Variants in DECR2 observed in about 807,000 individuals in gnomAD.
DECR2 encodes 2,4-dienoyl-CoA reductase 2, also known as peroxisomal 2,4-dienoyl-CoA reductase [(3E)-enoyl-CoA-producing].
DECR2 carries 34 observed loss-of-function variants against 29.2 expected under a neutral mutation model. That is an observed-to-expected ratio of 1.16 (90% CI 0.89 to 1.55). DECR2 has a LOEUF of 1.55. DECR2 is among the 40% of genes most tolerant of loss of function. The probability of loss-of-function intolerance (pLI) is 0.00; values close to 1 mark genes in which losing one functional copy is unlikely to be tolerated. For missense variants in DECR2, 485 were observed against 425.3 expected, an observed-to-expected ratio of 1.14 and a Z score of -1.23; for synonymous variants, 224 against 182.7, an observed-to-expected ratio of 1.23 and a Z score of -1.82.
rs377511084 is a variant in DECR2 at position 410,730 on chromosome 16, G to A, written c.502G>A (p.Gly168Arg). The A allele has an allele frequency of 1.1e-4, 180 of 1,608,172 alleles. No homozygotes were observed. Among genetic ancestry groups the A allele is most frequent in the Non-Finnish European group, 1.5e-4 (176 of 1,178,988 alleles). Residue 168 changes from glycine (G) to arginine (R), a missense_variant, in exon 6 of 9, where the codon GGG becomes AGG. Physicochemically the swap from Gly to Arg is moderately radical, Grantham distance 125. Transcript: ENST00000219481. The surrounding 1 kb of genome is among the most constrained non-coding windows in gnomAD (Gnocchi z 4.1). Reference sequence around the variant, plus strand: ...GATCGTGAACATCACTGCCACCCTGGGGAACCGGGGGCAGGCGCTCCAGGT... The same window carrying A: ...GATCGTGAACATCACTGCCACCCTGAGGAACCGGGGGCAGGCGCTCCAGGT... ...GVIVNITATLGNRGQALQVHA... is the reference protein window; with the variant it reads ...GVIVNITATLRNRGQALQVHA...
Position 407,493 on chromosome 16 carries a change from C to T in DECR2, c.270C>T (p.Pro90=), listed in dbSNP as rs1424273101. The T allele has an allele frequency of 1.9e-6, 3 of 1,613,832 alleles. No homozygotes were observed. The highest frequency in any genetic ancestry group is 4.5e-5 in the East Asian group (2 of 44,888). ...CLPLSMDVRA[P]PAVMAAVDQA... ...CTCTCTCTATGGACGTCCGAGCGCC[C>T]CCAGCTGTCATGGCCGCCGTGGACC... Residue 90 remains proline (P), a synonymous_variant, in exon 4 of 9, where the codon CCC becomes CCT. Coordinates refer to ENST00000219481, the MANE Select transcript of DECR2 (RefSeq NM_020664.4).
intron 1 of DECR2, among the ~76,000 whole-genome samples, chr16:402,691 T>C (rs908845320): frequency 2.0e-5 from 3 of 151,994 alleles, no homozygotes; most frequent in African/African-American, 7.2e-5. Context: ...TCTATTAAAA[T>C]TTTGATCTTT....
At position 410,456 on chromosome 16, in the gene DECR2, CG is replaced by C. The variant is rs2054799499; in HGVS notation, c.462+90del. The C allele has an allele frequency of 2.0e-5, 32 of 1,564,898 alleles. No homozygotes were observed. Among genetic ancestry groups the C allele is most frequent in the East Asian group, 1.4e-4 (6 of 43,680 alleles). ...AGTTCTTCCGGGTGGGTGCCTTGTG[CG>C]CTCTGTGAGAAGTTCTTCCGGGTGG... On this transcript the variant is annotated intron_variant, in intron 5 of 8. Coordinates refer to ENST00000219481, the MANE Select transcript of DECR2 (RefSeq NM_020664.4). The surrounding 1 kb of genome is among the most constrained non-coding windows in gnomAD (Gnocchi z 4.1).
chr16:410,374 G>T lies in DECR2; in HGVS notation c.462+7G>T. On this transcript the variant is annotated splice_region_variant and intron_variant, in intron 5 of 8. Coordinates refer to ENST00000219481, the MANE Select transcript of DECR2 (RefSeq NM_020664.4). The surrounding 1 kb of genome is among the most constrained non-coding windows in gnomAD (Gnocchi z 4.1). ...CTATGAGAAGTTCTTCCGGGTGGGTGCCTCGTGCGCTCTGTGAGAAGTTCT... is the reference window on the plus strand; with the variant it reads ...CTATGAGAAGTTCTTCCGGGTGGGTTCCTCGTGCGCTCTGTGAGAAGTTCT... 2 of 1,595,378 alleles carry T rather than the reference G, an allele frequency of 1.3e-6. No homozygotes were observed. The highest frequency in any genetic ancestry group is 1.1e-5 in the South Asian group (1 of 89,574).
chr16:402,945 A>G (rs1250181916), intron 1 of DECR2: 4 of 791,932 alleles, frequency 5.1e-6, no homozygotes, highest in Middle Eastern at 6.4e-4. Context: ...AGATCGCACC[A>G]TTGCACTGGG....
intron 8 of DECR2, 121 bp downstream of exon 8, chr16:411,699 T>C: frequency 1.9e-6 from 2 of 1,062,738 alleles, no homozygotes; most frequent in East Asian, 2.6e-5. Context: ...TCCCGGCCCC[T>C]GCGCCAGCCT....
intron 4 of DECR2, among the ~76,000 whole-genome samples, chr16:408,327 C>T (rs2054768200): frequency 6.6e-6 from 1 of 151,870 alleles, no homozygotes; most frequent in Non-Finnish European, 1.5e-5. Context: ...GGCCCTCTGT[C>T]TCTGGCCCTC....
In DECR2 at chr16:410,156, C is replaced by T; in HGVS notation, c.338-87C>T. The T allele has an allele frequency of 6.5e-7, 1 of 1,538,000 alleles. No individual in the cohort carries two copies. The highest frequency in any genetic ancestry group is 1.2e-5 in the South Asian group (1 of 83,122). On this transcript the variant is annotated intron_variant, in intron 4 of 8. Coordinates refer to ENST00000219481, the MANE Select transcript of DECR2 (RefSeq NM_020664.4). The surrounding 1 kb of genome is among the most constrained non-coding windows in gnomAD (Gnocchi z 4.1). ...CACAGGGCACCTGGGCTCCCTCCTG[C>T]ACCCTCCGCTCTGCCCACCTGGCCA...
chr16:411,321 C>G, intron 7 of DECR2, 40 bp from the exon 8 acceptor site: 1 of 1,574,034 alleles, frequency 6.4e-7, no homozygotes, highest in Non-Finnish European at 8.6e-7. Flanking sequence ...GGTGCTGGGT[C>G]TTGGGGCTCA....
intron 4 of DECR2, 70 bp downstream of exon 4, chr16:407,630 C>T: frequency 1.3e-6 from 2 of 1,589,268 alleles, no homozygotes; most frequent in Non-Finnish European, 1.7e-6. Context: ...CCCTAGAACT[C>T]TGGTCATGGG....
intron 2 of DECR2, 65 bp downstream of exon 2, chr16:405,089 C>G: frequency 1.3e-6 from 2 of 1,586,782 alleles, no homozygotes; most frequent in Non-Finnish European, 1.7e-6. Flanking sequence ...GCTGGATGCC[C>G]GACCCCTGGA....
In DECR2 at chr16:411,477, G is replaced by A. The variant is rs766024701; in HGVS notation, c.778G>A (p.Val260Met). The A allele has an allele frequency of 1.9e-5, 30 of 1,613,838 alleles. No individual in the cohort carries two copies. The highest frequency in any genetic ancestry group is 8.0e-5 in the African/African-American group (6 of 74,946). The stretch of plus-strand genomic sequence containing the variant: ...CCTGGCCAGCCCTCTGGCTTCCTAC[G>A]TGACGGGGGCCGTGCTGGTGGCCGA... ...LYLASPLASY[V>M]TGAVLVADGG... The change falls in exon 8 of 9, where the codon GTG becomes ATG. Residue 260 changes from valine (V) to methionine (M), a missense_variant. Val to Met is a conservative substitution (Grantham distance 21). Coordinates refer to ENST00000219481, the MANE Select transcript of DECR2 (RefSeq NM_020664.4).
chr16:406,397 G>A lies in DECR2; in HGVS notation c.201G>A (p.Thr67=), dbSNP rs766132711. The A allele has an allele frequency of 6.2e-6, 10 of 1,607,720 alleles. No homozygotes were observed. The highest frequency in any genetic ancestry group is 3.3e-5 in the South Asian group (3 of 91,048). The change falls in exon 3 of 9, where the codon ACG becomes ACA. Residue 67 remains threonine (T), a splice_region_variant and synonymous_variant. Transcript: ENST00000219481. The part of the protein sequence containing the change: ...IASRSLPRVL[T]AARKLAGATG... Reference sequence around the variant, plus strand: ...GTAGGAGCCTGCCGCGAGTGCTGACGGTGAGAGGGCCTCTCCCATGGTCCC... The same window carrying A: ...GTAGGAGCCTGCCGCGAGTGCTGACAGTGAGAGGGCCTCTCCCATGGTCCC...
intron 4 of DECR2, among the ~76,000 whole-genome samples, chr16:408,289 G>T (rs2054767201): frequency 7.0e-6 from 1 of 143,718 alleles, no homozygotes; most frequent in South Asian, 2.2e-4. Context: ...CCCCATCTCC[G>T]GCCCCCTGTC....
At chr16:411,166 T>C in intron 7 of DECR2, 90 bp downstream of exon 7, 9 of 1,330,770 alleles carry the variant, frequency 6.8e-6, no homozygotes, top group Non-Finnish European at 9.0e-6. Context: ...GCAGGGTGTA[T>C]GTTGAAAAGC....
At position 410,014 on chromosome 16, in the gene DECR2, G is replaced by C; in HGVS notation, c.338-229G>C. On this transcript the variant is annotated intron_variant, in intron 4 of 8. Coordinates refer to ENST00000219481, the MANE Select transcript of DECR2 (RefSeq NM_020664.4). The surrounding 1 kb of genome is among the most constrained non-coding windows in gnomAD (Gnocchi z 4.1). ...TTTCCAAACAAGGCCACAGTCGCAG[G>C]TACGGAGCCAGGGCTTCAGCATGTC... 1.8e-6 allele frequency: 1 copy of C among 567,514 alleles called. No individual in the cohort carries two copies. Among genetic ancestry groups the C allele is most frequent in the Non-Finnish European group, 3.1e-6 (1 of 326,116 alleles). 35.2% of individuals were successfully genotyped at this position (567,514 alleles called of 1,614,324 possible).
chr16:404,855 C>G (rs1253801383), intron 1 of DECR2, 101 bp from the exon 2 acceptor site: 1 of 1,120,450 alleles, frequency 8.9e-7, no homozygotes, highest in Non-Finnish European at 1.3e-6. Context: ...GTCTCGATCT[C>G]CTGACCTTGT....
Position 401,982 on chromosome 16 carries a change from G to T in DECR2, c.19G>T (p.Asp7Tyr), listed in dbSNP as rs1158321103. The T allele has an allele frequency of 1.3e-6, 2 of 1,490,768 alleles. No homozygotes were observed. Among genetic ancestry groups the T allele is most frequent in the Non-Finnish European group, 1.8e-6 (2 of 1,128,458 alleles). The allele number at this position is 1,490,768 out of a possible 1,614,324, so 92.3% of individuals were successfully genotyped here. A position where few individuals can be genotyped will look rare whatever the true frequency, so the allele number is the denominator to read the frequency against. ...GAGCGCCATGGCCCAGCCGCCGCCC[G>T]ACGTGGAGGGGGACGACTGTCTCCC... MAQPPPDVEGDDCLPAY... is the reference protein window; with the variant it reads MAQPPPYVEGDDCLPAY... Residue 7 changes from aspartate to tyrosine, a missense_variant, in exon 1 of 9, where the codon GAC (aspartate) becomes TAC (tyrosine). Physicochemically the swap from Asp to Tyr is radical, Grantham distance 160. Coordinates refer to ENST00000219481, the MANE Select transcript of DECR2 (RefSeq NM_020664.4).
intron 1 of DECR2, among the ~76,000 whole-genome samples, chr16:402,668 A>G (rs1163701317): frequency 1.3e-5 from 2 of 151,478 alleles, no homozygotes; most frequent in African/African-American, 4.9e-5. Flanking sequence ...TCAATTGGCA[A>G]CATTTTCAAG....
Sources: gnomAD v4.1 joint callset for allele counts (sites outside exome capture counted in the v4.1 genomes callset) on GRCh38, gnomAD v4.1.1 for gene constraint, Gnocchi (gnomAD v3.1) non-coding constraint, MANE v1.5 for transcripts, NCBI Gene and HGNC (gene_info 2026-07-23, HGNC 2026-07-21) for gene names.